Variants in TMX4 observed in about 807,000 individuals in gnomAD.
The protein encoded by TMX4 is thioredoxin-related transmembrane protein 4.
Under a neutral mutation model 33.3 loss-of-function variants are expected in TMX4, and 23 were observed. That is an observed-to-expected ratio of 0.69 (90% confidence interval 0.50 to 0.98). The LOEUF is 0.98. TMX4 is among the 50% of genes least tolerant of loss of function. TMX4 has a pLI of 0.00. For synonymous variants in TMX4, 164 were observed against 161.5 expected (o/e 1.02, Z -0.12); for missense variants, 399 against 448.9 (o/e 0.89, Z 1.01).
intron 5 of TMX4, among the ~76,000 whole-genome samples, chr20:7,991,712 A>C (rs2050655723): frequency 6.6e-6 from 1 of 152,234 alleles, no homozygotes; most frequent in Admixed American, 6.5e-5. Flanking sequence ...GGAAAAAGTA[A>C]AATAATGAAG....
At chr20:8,010,008 T>G (rs936922912) in intron 2 of TMX4, among the ~76,000 whole-genome samples, 192 bp downstream of exon 2, 1 of 151,942 alleles carries the variant, frequency 6.6e-6, no homozygotes, top group South Asian at 2.1e-4. Context: ...GAAATATATA[T>G]GCAAATATGT....
At position 7,981,222 on chromosome 20, in the gene TMX4, T is replaced by C. The variant is rs1568532117; in HGVS notation, c.*1029A>G. 6.6e-6 allele frequency: 1 copy of C among 152,168 alleles called. No homozygotes were observed. The highest frequency in any genetic ancestry group is 1.5e-5 in the Non-Finnish European group (1 of 68,028). 9.4% of individuals were successfully genotyped at this position (152,168 alleles called of 1,614,324 possible). ...AATTCTTTCACCAAAAGCACATCAC[T>C]GAAGGAAAATCAGAAGTGGTTTTTT... On this transcript the variant is annotated 3_prime_UTR_variant, in exon 8 of 8. Transcript: ENST00000246024.
intron 2 of TMX4, among the ~76,000 whole-genome samples, chr20:8,002,240 C>T (rs2050710533): frequency 6.6e-6 from 1 of 151,954 alleles, no homozygotes; most frequent in Non-Finnish European, 1.5e-5. Context: ...AAATATTTAC[C>T]AAGCACCTTC....
At chr20:8,019,055 T>G in intron 1 of TMX4, 1 of 455,156 alleles carries the variant, frequency 2.2e-6, no homozygotes, top group Non-Finnish European at 4.3e-6. Context: ...AGCACACGGT[T>G]TGCTTGCAGA....
At chr20:7,997,743 C>T (rs1259244994) in intron 4 of TMX4, among the ~76,000 whole-genome samples, 2 of 152,214 alleles carry the variant, frequency 1.3e-5, no homozygotes, top group East Asian at 3.8e-4. Flanking sequence ...AAAGGCACCT[C>T]TCTGCGCAAA....
Position 8,019,246 on chromosome 20 carries a change from C to G in TMX4, c.176+192G>C, listed in dbSNP as rs970465547. On this transcript the variant is annotated intron_variant, in intron 1 of 7. Coordinates refer to ENST00000246024, the MANE Select transcript of TMX4 (RefSeq NM_021156.4). ...TCGTTGGTAAGGCGGGTCCGCGGAC[C>G]CCAGGTCGAGCCCAGCGGCAGTGCA... is the stretch of plus-strand genomic sequence containing the variant. 19 of 655,634 alleles carry G rather than the reference C, an allele frequency of 2.9e-5. No homozygotes were observed. In the African/African-American group the frequency reaches 3.7e-4, roughly 13 times the overall value. The allele number at this position is 655,634 out of a possible 1,614,324, so 40.6% of individuals were successfully genotyped here.
At chr20:7,997,167 G>C (rs997867928) in intron 4 of TMX4, among the ~76,000 whole-genome samples, 1 of 151,888 alleles carries the variant, frequency 6.6e-6, no homozygotes, top group African/African-American at 2.4e-5. Flanking sequence ...TCTTAATTTG[G>C]GGGTGGCCCA....
chr20:7,986,760 C>A (rs2050632453), intron 6 of TMX4, among the ~76,000 whole-genome samples: 1 of 152,136 alleles, frequency 6.6e-6, no homozygotes, highest in Non-Finnish European at 1.5e-5. Flanking sequence ...ATACTGCATA[C>A]TGATTTTCAT....
At chr20:7,989,272 A>T (rs1260414737) in intron 5 of TMX4, among the ~76,000 whole-genome samples, 1 of 152,076 alleles carries the variant, frequency 6.6e-6, no homozygotes, top group Non-Finnish European at 1.5e-5. Flanking sequence ...CTCTGTGTCA[A>T]CCCATGAATG....
chr20:7,981,004 T>C lies in TMX4; in HGVS notation c.*1247A>G, dbSNP rs1451495061. On this transcript the variant is annotated 3_prime_UTR_variant, in exon 8 of 8. Transcript: ENST00000246024. ...TTCGTATGCTTGGAATCGAATTTCA[T>C]GAATTTATTCTAACACATAAATCAG... 6.6e-6 allele frequency: 1 copy of C among 152,226 alleles called. No individual in the cohort carries two copies. Among genetic ancestry groups the C allele is most frequent in the African/African-American group, 2.4e-5 (1 of 41,464 alleles). 9.4% of individuals were successfully genotyped at this position (152,226 alleles called of 1,614,324 possible).
intron 2 of TMX4, among the ~76,000 whole-genome samples, chr20:8,002,899 G>C (rs2050713322): frequency 6.6e-6 from 1 of 152,082 alleles, no homozygotes; most frequent in Admixed American, 6.5e-5. Context: ...AAAAGTCAAA[G>C]TCACAAAAAG....
intron 5 of TMX4, among the ~76,000 whole-genome samples, chr20:7,990,500 G>A (rs985593372): frequency 3.9e-5 from 6 of 152,122 alleles, no homozygotes; most frequent in African/African-American, 1.4e-4. Context: ...ACAGACTTAA[G>A]GAAGACAGCC....
At chr20:8,010,937 T>C (rs1391752318) in intron 1 of TMX4, among the ~76,000 whole-genome samples, 1 of 152,128 alleles carries the variant, frequency 6.6e-6, no homozygotes, top group African/African-American at 2.4e-5. Context: ...ATTCAATAAA[T>C]ACTAAGAAAG....
chr20:8,009,307 C>G (rs2050742897), intron 2 of TMX4, among the ~76,000 whole-genome samples: 1 of 152,042 alleles, frequency 6.6e-6, no homozygotes, highest in Non-Finnish European at 1.5e-5. Flanking sequence ...ATGATTCATT[C>G]TTGTGAAAAC....
chr20:8,016,707 A>G (rs918125904), intron 1 of TMX4, among the ~76,000 whole-genome samples: 12 of 152,336 alleles, frequency 7.9e-5, no homozygotes, highest in African/African-American at 2.4e-4. Flanking sequence ...CGTGGCGTAT[A>G]AAAGAAAAAA....
intron 7 of TMX4, among the ~76,000 whole-genome samples, chr20:7,983,221 A>C (rs2050616644): frequency 6.6e-6 from 1 of 152,232 alleles, no homozygotes. Flanking sequence ...GAAATCTAAG[A>C]ATCATATTTT....
At chr20:8,011,077 T>A (rs1237807146) in intron 1 of TMX4, among the ~76,000 whole-genome samples, 1 of 152,028 alleles carries the variant, frequency 6.6e-6, no homozygotes, top group East Asian at 1.9e-4. Context: ...TATTTTTGCG[T>A]CTGTTTAAAA....
chr20:8,000,372 T>C (rs2050699998), intron 3 of TMX4, among the ~76,000 whole-genome samples: 1 of 152,092 alleles, frequency 6.6e-6, no homozygotes, highest in African/African-American at 2.4e-5. Context: ...TTATGTCTCA[T>C]TCACTACTTG....
chr20:8,002,205 T>C (rs1161455303), intron 2 of TMX4, among the ~76,000 whole-genome samples: 1 of 152,166 alleles, frequency 6.6e-6, no homozygotes, highest in East Asian at 1.9e-4. Flanking sequence ...AAGACAAAGA[T>C]AAATAAAACC....
Sources: allele counts gnomAD v4.1 joint callset (sites outside exome capture counted in the v4.1 genomes callset), GRCh38; gene constraint gnomAD v4.1.1; transcripts MANE v1.5; gene names NCBI Gene and HGNC (gene_info 2026-07-23, HGNC 2026-07-21).